Variants in WEE2 observed in about 807,000 individuals in gnomAD.
The protein encoded by WEE2 is wee1-like protein kinase 2.
A neutral mutation model predicts 60.1 loss-of-function variants in WEE2; 50 were observed. The observed-to-expected ratio is 0.83, with a 90% CI of 0.66 to 1.05. WEE2 has a LOEUF of 1.05. Among genes scored for constraint, WEE2 ranks in the 50% least tolerant of loss-of-function variants. WEE2 has a pLI of 0.00. For missense variants in WEE2, 631 were observed against 684.3 expected (o/e 0.92, Z 0.87); for synonymous variants, 240 against 241.0 (o/e 1.00, Z 0.04).
rs1798657745 is a variant in WEE2 at position 141,708,617 on chromosome 7, A to G, written c.-142A>G. 2 of 680,098 alleles carry G rather than the reference A, an allele frequency of 2.9e-6. No homozygotes were observed. The highest frequency in any genetic ancestry group is 2.6e-5 in the Admixed American group (1 of 38,580). The allele number at this position is 680,098 out of a possible 1,614,324, so 42.1% of individuals were successfully genotyped here. On this transcript the variant is annotated 5_prime_UTR_variant, in exon 1 of 12. Transcript: ENST00000397541. ...GCAGAAAATTAACACCGTGTTTTGT[A>G]GCTGTTAGTTGGTAGAGGGAAATTC...
Position 141,716,194 on chromosome 7 carries a change from T to G in WEE2, c.540-28T>G, listed in dbSNP as rs544466594. 5.4e-5 allele frequency: 86 copies of G among 1,596,820 alleles called. 1 individual carries two copies. In the South Asian group the frequency reaches 9.0e-4, roughly 17 times the overall value. On this transcript the variant is annotated intron_variant, in intron 2 of 11. Transcript: ENST00000397541. The stretch of plus-strand genomic sequence containing the variant: ...GGCCTCAATAAATATTAATTATATA[T>G]TGATAAACTTTTTTTTTCTTTTTTA...
Position 141,708,945 on chromosome 7 carries a change from GTGCA to G in WEE2, c.190_193del (p.His64SerfsTer17). 1 of 1,614,136 alleles carries G rather than the reference GTGCA, an allele frequency of 6.2e-7. No homozygotes were observed. The highest frequency in any genetic ancestry group is 8.5e-7 in the Non-Finnish European group (1 of 1,180,016). On this transcript the variant is annotated frameshift_variant, in exon 1 of 12. Transcript: ENST00000397541. LOFTEE classifies it high-confidence loss of function. Reference sequence around the variant, plus strand: ...ACCACCTTGGACTCCCCTTAGCAACGTGCATGAGCTCGACACATCTTCGGAAAAA... The same window carrying G: ...ACCACCTTGGACTCCCCTTAGCAACGTGAGCTCGACACATCTTCGGAAAAA...
intron 3 of WEE2, among the ~76,000 whole-genome samples, chr7:141,718,678 A>T (rs1372144786): frequency 6.6e-6 from 1 of 152,164 alleles, no homozygotes; most frequent in East Asian, 1.9e-4. Flanking sequence ...TTTAAGACAC[A>T]TAAAGAAGGG....
chr7:141,714,197 A>G lies in WEE2; in HGVS notation c.343-12A>G. 6.3e-7 allele frequency: 1 copy of G among 1,589,482 alleles called. No individual in the cohort carries two copies. The highest frequency in any genetic ancestry group is 1.4e-5 in the African/African-American group (1 of 73,470). On this transcript the variant is annotated splice_polypyrimidine_tract_variant and intron_variant, in intron 1 of 11. Coordinates refer to ENST00000397541, the MANE Select transcript of WEE2 (RefSeq NM_001105558.1). ...ATGCTATTATGACTTGCCTTTTGTC[A>G]TCCTCATTCAGACCATGCTGAGCCG...
At chr7:141,721,498 G>A (rs548720016) in intron 5 of WEE2, among the ~76,000 whole-genome samples, 1 of 151,796 alleles carries the variant, frequency 6.6e-6, no homozygotes, top group South Asian at 2.1e-4. Context: ...TTCTCTTGTT[G>A]CCTAGGCTGG....
At position 141,719,140 on chromosome 7, in the gene WEE2, T is replaced by C; in HGVS notation, c.654T>C (p.Ile218=). 1 of 1,614,064 alleles carries C rather than the reference T, an allele frequency of 6.2e-7. No individual in the cohort carries two copies. The highest frequency in any genetic ancestry group is 8.5e-7 in the Non-Finnish European group (1 of 1,179,982). The change falls in exon 4 of 12, where the codon ATT becomes ATC. Residue 218 remains isoleucine (I), a synonymous_variant. Coordinates refer to ENST00000397541, the MANE Select transcript of WEE2 (RefSeq NM_001105558.1). ...YEKEFLEVEK[I]GVGEFGTVYK... ...AAGAATTCTTGGAGGTTGAAAAAAT[T>C]GGGGTTGGCGAATTTGGTACAGTCT...
At chr7:141,710,963 G>C (rs1798701041) in intron 1 of WEE2, among the ~76,000 whole-genome samples, 4 of 152,172 alleles carry the variant, frequency 2.6e-5, no homozygotes, top group East Asian at 1.9e-4. Flanking sequence ...CCTGGAGGTA[G>C]AGCAGTATTC....
At chr7:141,716,686 T>C (rs1798803911) in intron 3 of WEE2, among the ~76,000 whole-genome samples, 1 of 152,098 alleles carries the variant, frequency 6.6e-6, no homozygotes, top group South Asian at 2.1e-4. Context: ...TTTAGAGTAA[T>C]TTTAAAATTA....
chr7:141,710,011 C>T (rs920459851), intron 1 of WEE2, among the ~76,000 whole-genome samples: 1 of 152,120 alleles, frequency 6.6e-6, no homozygotes, highest in African/African-American at 2.4e-5. Flanking sequence ...CTCTTTAGTA[C>T]CTGCTGGGTG....
chr7:141,708,739 T>G lies in WEE2; in HGVS notation c.-20T>G, dbSNP rs1798660920. Reference sequence around the variant, plus strand: ...TTCTGATAGAGCTTTTTGTCTGTGTTGTAAAGCTCTTTGGCTGAGATGGAT... The same window carrying G: ...TTCTGATAGAGCTTTTTGTCTGTGTGGTAAAGCTCTTTGGCTGAGATGGAT... On this transcript the variant is annotated 5_prime_UTR_variant, in exon 1 of 12. Transcript: ENST00000397541. 5 of 1,598,818 alleles carry G rather than the reference T, an allele frequency of 3.1e-6. No individual in the cohort carries two copies. The highest frequency in any genetic ancestry group is 2.2e-5 in the South Asian group (2 of 89,534).
chr7:141,715,515 G>T (rs866371804), intron 2 of WEE2, among the ~76,000 whole-genome samples: 1 of 152,176 alleles, frequency 6.6e-6, no homozygotes, highest in East Asian at 1.9e-4. Flanking sequence ...TTCTCCAAAA[G>T]AAAAATCTAT....
chr7:141,720,767 A>G, intron 4 of WEE2, 168 bp from the exon 5 acceptor site: 1 of 804,574 alleles, frequency 1.2e-6, no homozygotes, highest in Non-Finnish European at 1.9e-6. Flanking sequence ...TTTCCACTGT[A>G]TATTACCAAA....
intron 5 of WEE2, among the ~76,000 whole-genome samples, chr7:141,721,762 C>T (rs1177330665): frequency 6.6e-6 from 1 of 152,074 alleles, no homozygotes; most frequent in Non-Finnish European, 1.5e-5. Context: ...CTGCATCTAG[C>T]CGAGTGACTT....
chr7:141,727,354 C>T lies in WEE2; in HGVS notation c.1443C>T (p.Ala481=), dbSNP rs1040407467. 8.1e-6 allele frequency: 13 copies of T among 1,614,136 alleles called. No homozygotes were observed. The highest frequency in any genetic ancestry group is 1.0e-5 in the Non-Finnish European group (12 of 1,180,036). The part of the protein sequence containing the change: ...AEQRPSAAAL[A]RNTVLRPSLG... The stretch of plus-strand genomic sequence containing the variant: ...AGAGACCTTCTGCAGCAGCTCTGGC[C>T]AGAAATACAGTTCTCCGGCCTTCCC... The change falls in exon 10 of 12, where the codon GCC becomes GCT. Residue 481 remains alanine (A), a synonymous_variant. Coordinates refer to ENST00000397541, the MANE Select transcript of WEE2 (RefSeq NM_001105558.1).
At position 141,721,032 on chromosome 7, in the gene WEE2, A is replaced by T; in HGVS notation, c.856A>T (p.Ile286Phe). 1 of 1,614,202 alleles carries T rather than the reference A, an allele frequency of 6.2e-7. No individual in the cohort carries two copies. The highest frequency in any genetic ancestry group is 8.5e-7 in the Non-Finnish European group (1 of 1,180,026). ...CTCATGGGCAGAAGATGACCACATGATCATTCAGAATGAATACTGCAATGG... is the reference window on the plus strand; with the variant it reads ...CTCATGGGCAGAAGATGACCACATGTTCATTCAGAATGAATACTGCAATGG... ...YSSWAEDDHMIIQNEYCNGGS... is the reference protein window; with the variant it reads ...YSSWAEDDHMFIQNEYCNGGS... Residue 286 changes from isoleucine (I) to phenylalanine (F), a missense_variant, in exon 5 of 12, where the codon ATC becomes TTC. Transcript: ENST00000397541.
intron 3 of WEE2, among the ~76,000 whole-genome samples, chr7:141,717,659 C>T (rs374529430): frequency 9.1e-4 from 138 of 152,154 alleles, no homozygotes; most frequent in African/African-American, 3.1e-3. Flanking sequence ...TATACATATG[C>T]GTGTATATCT....
At chr7:141,727,699 A>T (rs536479677) in intron 10 of WEE2, 6 of 429,598 alleles carry the variant, frequency 1.4e-5, no homozygotes, top group African/African-American at 9.9e-5. Context: ...GAGGAATATA[A>T]GGAAATACCA....
intron 3 of WEE2, among the ~76,000 whole-genome samples, chr7:141,717,832 T>C (rs1328407370): frequency 2.0e-5 from 3 of 151,122 alleles, no homozygotes; most frequent in Non-Finnish European, 4.4e-5. Context: ...GGGTGGGGAG[T>C]GGTCAGGGAT....
chr7:141,715,464 C>T (rs775676405), intron 2 of WEE2, among the ~76,000 whole-genome samples: 1 of 152,086 alleles, frequency 6.6e-6, no homozygotes, highest in Non-Finnish European at 1.5e-5. Flanking sequence ...GATTTATTTC[C>T]ATGAATGTAG....
Sources: allele counts gnomAD v4.1 joint callset (sites outside exome capture counted in the v4.1 genomes callset), GRCh38; gene constraint gnomAD v4.1.1; transcripts MANE v1.5; gene names NCBI Gene and HGNC (gene_info 2026-07-23, HGNC 2026-07-21).